MAP2: variants seen among roughly 807,000 people sequenced by gnomAD.
MAP2 encodes microtubule associated protein 2, also known as microtubule-associated protein 2.
A neutral mutation model predicts 137.6 loss-of-function variants in MAP2; 14 were observed. The observed-to-expected ratio is 0.10, with a 90% confidence interval of 0.07 to 0.16. The LOEUF is 0.16. Ranked by LOEUF, MAP2 falls within the 10% of genes least tolerant of loss-of-function variation. MAP2 has a pLI of 1.00. For missense variants in MAP2, 2,088 were observed against 2,191.5 expected, an observed-to-expected ratio of 0.95 and a Z score of 0.94; for synonymous variants, 786 against 782.3, an observed-to-expected ratio of 1.00 and a Z score of -0.08.
intron 2 of MAP2, among the ~76,000 whole-genome samples, chr2:209,548,837 T>C (rs1213965383): frequency 3.3e-5 from 5 of 152,124 alleles, no homozygotes; most frequent in African/African-American, 1.2e-4. Context: ...GAAGAGGTGC[T>C]TTGCTTCCCC....
chr2:209,454,137 G>A (rs1368263726), intron 1 of MAP2, among the ~76,000 whole-genome samples: 4 of 108,302 alleles, frequency 3.7e-5, no homozygotes, highest in Admixed American at 1.3e-4. Context: ...GCAACAGAGC[G>A]AGACTCTGTC....
At chr2:209,549,782 T>C (rs977858173) in intron 2 of MAP2, among the ~76,000 whole-genome samples, 1 of 152,168 alleles carries the variant, frequency 6.6e-6, no homozygotes, top group Non-Finnish European at 1.5e-5. Flanking sequence ...TACAAGAAAA[T>C]TTAGCAATCA....
At chr2:209,696,789 A>G in intron 9 of MAP2, 41 bp downstream of exon 9, 1 of 1,575,830 alleles carries the variant, frequency 6.3e-7, no homozygotes, top group South Asian at 1.2e-5. Context: ...TTTTTGAAGT[A>G]ATTCATTATT....
intron 2 of MAP2, among the ~76,000 whole-genome samples, chr2:209,552,301 A>G (rs1397002022): frequency 6.6e-6 from 1 of 152,144 alleles, no homozygotes; most frequent in East Asian, 1.9e-4. Context: ...CTCACAGGGC[A>G]TTTGGAACTT....
Position 209,713,116 on chromosome 2 carries a change from C to T in MAP2, c.5073+2862C>T, listed in dbSNP as rs1001308359. Among the ~76,000 whole-genome samples the T allele has an allele frequency of 2.0e-5, 3 of 152,088 alleles. No homozygotes were observed. In the East Asian group the frequency reaches 5.8e-4, roughly 29 times the overall value. On this transcript the variant is annotated intron_variant, in intron 13 of 15. Transcript: ENST00000682079. The stretch of plus-strand genomic sequence containing the variant: ...AAGATGTAACTTTAATTCCTCTGCA[C>T]AGGGTCTATTGTGGTAAAATTTGAA...
At chr2:209,594,491 A>C (rs989084027) in intron 3 of MAP2, among the ~76,000 whole-genome samples, 7 of 152,144 alleles carry the variant, frequency 4.6e-5, no homozygotes, top group Non-Finnish European at 1.0e-4. Flanking sequence ...TCAGGGTCCT[A>C]CTATTAACAA....
At chr2:209,696,885 A>T in intron 9 of MAP2, 32 bp from the exon 10 acceptor site, 1 of 1,578,902 alleles carries the variant, frequency 6.3e-7, no homozygotes, top group Admixed American at 2.0e-5. Context: ...TTTTTTCCTG[A>T]TGGTATGCTT....
At chr2:209,566,549 G>A (rs889845898) in intron 2 of MAP2, among the ~76,000 whole-genome samples, 5 of 152,018 alleles carry the variant, frequency 3.3e-5, no homozygotes, top group Non-Finnish European at 5.9e-5. Context: ...TATCCATGTC[G>A]CATATTCTTG....
chr2:209,703,915 G>T (rs1465106485), intron 11 of MAP2: 1 of 449,810 alleles, frequency 2.2e-6, no homozygotes, highest in Non-Finnish European at 4.5e-6. Context: ...CTGGTTAATA[G>T]AAAATAAAAT....
chr2:209,525,713 G>A (rs544675939), intron 2 of MAP2, among the ~76,000 whole-genome samples: 2 of 152,132 alleles, frequency 1.3e-5, no homozygotes, highest in South Asian at 2.1e-4. Context: ...TCAAAATTCC[G>A]CTAAATAAAA....
chr2:209,546,473 C>T (rs889509101), intron 2 of MAP2, among the ~76,000 whole-genome samples: 1 of 152,150 alleles, frequency 6.6e-6, no homozygotes, highest in African/African-American at 2.4e-5. Flanking sequence ...AGTGTCTGGA[C>T]AGTGTCTGTG....
At chr2:209,428,578 T>C (rs1172434193) in intron 1 of MAP2, among the ~76,000 whole-genome samples, 1 of 152,058 alleles carries the variant, frequency 6.6e-6, no homozygotes, top group African/African-American at 2.4e-5. Flanking sequence ...AAAATGAAAT[T>C]ATAGCCTGAT....
chr2:209,446,819 A>G (rs1164417952), intron 1 of MAP2, among the ~76,000 whole-genome samples: 1 of 142,560 alleles, frequency 7.0e-6, no homozygotes, highest in Non-Finnish European at 1.6e-5. Flanking sequence ...CTGTGTTTAA[A>G]TAGAGTACCT....
At chr2:209,553,081 G>A (rs2069589083) in intron 2 of MAP2, among the ~76,000 whole-genome samples, 1 of 150,938 alleles carries the variant, frequency 6.6e-6, no homozygotes, top group African/African-American at 2.4e-5. Context: ...GCACGATCTC[G>A]GCTCACTGCA....
At chr2:209,647,991 A>G (rs1214843024) in intron 4 of MAP2, among the ~76,000 whole-genome samples, 2 of 152,102 alleles carry the variant, frequency 1.3e-5, no homozygotes, top group Non-Finnish European at 2.9e-5. Context: ...TTAATAATAT[A>G]CCTTACCTAG....
Position 209,695,959 on chromosome 2 carries a change from A to C in MAP2, c.3789A>C (p.Ser1263=). The C allele has an allele frequency of 6.2e-7, 1 of 1,614,116 alleles. No individual in the cohort carries two copies. The highest frequency in any genetic ancestry group is 8.5e-7 in the Non-Finnish European group (1 of 1,180,010). ...DTLQITDLGV[S]GAREEFVETC... is the part of the protein sequence containing the mutation. ...TTCAGATAACTGACCTGGGTGTCTCAGGTGCCAGGGAGGAATTTGTGGAGA... is the reference window on the plus strand; with the variant it reads ...TTCAGATAACTGACCTGGGTGTCTCCGGTGCCAGGGAGGAATTTGTGGAGA... The change falls in exon 8 of 16, where the codon TCA becomes TCC. Residue 1263 remains serine (S), a synonymous_variant. Coordinates refer to ENST00000682079, the MANE Select transcript of MAP2 (RefSeq NM_001375505.1).
At chr2:209,440,125 T>C (rs1651103792) in intron 1 of MAP2, among the ~76,000 whole-genome samples, 1 of 151,524 alleles carries the variant, frequency 6.6e-6, no homozygotes. Flanking sequence ...CACTACATAA[T>C]TTTTGTTTCC....
intron 3 of MAP2, among the ~76,000 whole-genome samples, chr2:209,604,972 C>A (rs1391757907): frequency 6.6e-6 from 1 of 151,988 alleles, no homozygotes; most frequent in East Asian, 1.9e-4. Context: ...TTATATGTAA[C>A]CACAGAGATG....
At position 209,528,771 on chromosome 2, in the gene MAP2, TATGTACATATGTATGTATATATGTAC is replaced by T. The variant is rs1382884558; in HGVS notation, c.-172+21156_-172+21181del. On this transcript the variant is annotated intron_variant, in intron 2 of 15. Coordinates refer to ENST00000682079, the MANE Select transcript of MAP2 (RefSeq NM_001375505.1). ...ATGTACATATGTATGTATATATGTA[TATGTACATATGTATGTATATATGTAC>T]ATGTACATATGTATGTATATATGTA... is the stretch of plus-strand genomic sequence containing the variant. Among the ~76,000 whole-genome samples, 1,484 of 148,696 alleles carry T rather than the reference TATGTACATATGTATGTATATATGTAC, an allele frequency of 1.0e-2. 22 individuals are homozygous for T. The highest frequency in any genetic ancestry group is 0.031 in the African/African-American group (1,253 of 40,280).
Sources: allele counts gnomAD v4.1 joint callset (sites outside exome capture counted in the v4.1 genomes callset), GRCh38; gene constraint gnomAD v4.1.1; transcripts MANE v1.5; gene names NCBI Gene and HGNC (gene_info 2026-07-23, HGNC 2026-07-21).